Variants in COL4A5 observed in about 807,000 individuals in gnomAD.
The protein encoded by COL4A5 is collagen alpha-5(IV) chain.
COL4A5 carries 26 observed loss-of-function variants against 130.2 expected under a neutral mutation model. The observed-to-expected ratio is 0.20, with a 90% CI of 0.15 to 0.28. COL4A5 has a LOEUF of 0.28. COL4A5 is among the 10% of genes least tolerant of loss of function. The pLI is 1.00. For synonymous variants in COL4A5, 496 were observed against 439.6 expected, an observed-to-expected ratio of 1.13 and a Z score of -1.60; for missense variants, 1,131 against 1,344.3, an observed-to-expected ratio of 0.84 and a Z score of 2.48.
intron 2 of COL4A5, among the ~76,000 whole-genome samples, chrX:108,545,602 G>A (rs1377535576): frequency 1.8e-5 from 2 of 111,690 alleles, no homozygotes; most frequent in Non-Finnish European, 3.8e-5. Context: ...GGGGTGGAGA[G>A]TTCTGTAGAT....
At chrX:108,554,094 A>G (rs1051606467) in intron 2 of COL4A5, among the ~76,000 whole-genome samples, 3 of 111,694 alleles carry the variant, frequency 2.7e-5, no homozygotes, top group Admixed American at 9.5e-5. Flanking sequence ...GGATATAGGC[A>G]TAAGGAAGAT....
At chrX:108,618,295 C>A (rs1198198656) in intron 30 of COL4A5, among the ~76,000 whole-genome samples, 5 of 111,294 alleles carry the variant, frequency 4.5e-5, no homozygotes, top group East Asian at 5.6e-4. Context: ...ATTACTACTA[C>A]TAATAATAAC....
intron 2 of COL4A5, among the ~76,000 whole-genome samples, chrX:108,549,890 T>A (rs1172420973): frequency 8.9e-6 from 1 of 111,787 alleles, no homozygotes; most frequent in Non-Finnish European, 1.9e-5. Context: ...TAAATCACTT[T>A]GTAACAATAA....
intron 40 of COL4A5, among the ~76,000 whole-genome samples, chrX:108,667,984 G>A (rs1293920813): frequency 9.0e-6 from 1 of 111,394 alleles, no homozygotes; most frequent in East Asian, 2.8e-4. Context: ...ATTTCCTCCA[G>A]CCATCTTGAA....
At chrX:108,677,737 G>T in intron 44 of COL4A5, 104 bp downstream of exon 44, 6 of 987,851 alleles carry the variant, frequency 6.1e-6, no homozygotes, top group Non-Finnish European at 8.5e-6. Flanking sequence ...ACTAGACAAG[G>T]TTCTATGTGT....
At chrX:108,684,945 C>A (rs1399095992) in intron 47 of COL4A5, among the ~76,000 whole-genome samples, 1 of 112,311 alleles carries the variant, frequency 8.9e-6, no homozygotes, top group Non-Finnish European at 1.9e-5. Flanking sequence ...AAAGCTGGTT[C>A]AACATACACA....
At chrX:108,540,420 A>G (rs182522534) in intron 2 of COL4A5, among the ~76,000 whole-genome samples, 96 of 111,886 alleles carry the variant, frequency 8.6e-4, no homozygotes, top group African/African-American at 2.7e-3. Context: ...TATCTAGTCT[A>G]TGCAGTTTAA....
intron 36 of COL4A5, among the ~76,000 whole-genome samples, 157 bp from the exon 37 acceptor site, chrX:108,655,174 A>G (rs1295118920): frequency 8.9e-6 from 1 of 112,235 alleles, no homozygotes; most frequent in East Asian, 2.8e-4. Flanking sequence ...ATGAAGCCTA[A>G]CTCACAGAAC....
chrX:108,655,024 T>G (rs1314184273), intron 36 of COL4A5, among the ~76,000 whole-genome samples: 1 of 111,751 alleles, frequency 8.9e-6, no homozygotes, highest in African/African-American at 3.3e-5. Flanking sequence ...ATCTACATAC[T>G]GTGAGAATAG....
Position 108,571,447 on chromosome X carries a change from C to T in COL4A5, c.419C>T (p.Pro140Leu). 8.3e-7 allele frequency: 1 copy of T among 1,203,448 alleles called. No individual in the cohort carries two copies. Among genetic ancestry groups the T allele is most frequent in the Non-Finnish European group, 1.1e-6 (1 of 888,678 alleles). ...GGATTTCCAGGCAGTCCCGGTTTTC[C>T]TGGTTTACAGGGTCCTCCAGTAAGT... Reference protein sequence around the residue: ...ERGFPGSPGFPGLQGPPGPPG... With the variant: ...ERGFPGSPGFLGLQGPPGPPG... Residue 140 changes from proline to leucine, a missense_variant, in exon 7 of 53, where the codon CCT becomes CTT. Coordinates refer to ENST00000328300, the MANE Select transcript of COL4A5 (RefSeq NM_033380.3).
At chrX:108,669,397 A>G (rs1337132890) in intron 41 of COL4A5, among the ~76,000 whole-genome samples, 2 of 112,507 alleles carry the variant, frequency 1.8e-5, no homozygotes, top group East Asian at 2.8e-4. Context: ...AGTAAAATCT[A>G]AAGTGATTGG....
At position 108,678,311 on chromosome X, in the gene COL4A5, T is replaced by A. The variant is rs189673413; in HGVS notation, c.3942+678T>A. Among the ~76,000 whole-genome samples, 206 of 111,471 alleles carry A rather than the reference T, an allele frequency of 1.8e-3. 1 individual carries two copies. The highest frequency in any genetic ancestry group is 3.0e-3 in the Non-Finnish European group (160 of 53,090). On this transcript the variant is annotated intron_variant, in intron 44 of 52. Coordinates refer to ENST00000328300, the MANE Select transcript of COL4A5 (RefSeq NM_033380.3). ...AGAAAAAAAGTATTTAAAGTAGTGA[T>A]CCTTAAAGCTTTTCAAAATCTAATC...
At chrX:108,556,612 C>T (rs1245180883) in intron 2 of COL4A5, among the ~76,000 whole-genome samples, 1 of 111,024 alleles carries the variant, frequency 9.0e-6, no homozygotes, top group African/African-American at 3.3e-5. Context: ...TAGCCATTTT[C>T]TGTTTGTGAG....
intron 1 of COL4A5, among the ~76,000 whole-genome samples, chrX:108,473,628 T>TAC (rs2064801155): frequency 2.3e-5 from 1 of 44,267 alleles, no homozygotes; most frequent in African/African-American, 8.4e-5. Flanking sequence ...TATATATATA[T>TAC]ATATATTTTT....
chrX:108,681,007 G>T (rs1309647218), intron 46 of COL4A5, 51 bp downstream of exon 46: 4 of 1,075,361 alleles, frequency 3.7e-6, no homozygotes, highest in African/African-American at 1.8e-5. Flanking sequence ...ATGCTTTAAA[G>T]AATTTGAAAG....
intron 1 of COL4A5, among the ~76,000 whole-genome samples, chrX:108,468,696 C>G (rs1307863027): frequency 3.7e-5 from 4 of 109,240 alleles, no homozygotes; most frequent in African/African-American, 1.3e-4. Context: ...ACATTGCATT[C>G]CTGGGATAAT....
intron 47 of COL4A5, among the ~76,000 whole-genome samples, chrX:108,682,723 A>C (rs1451298550): frequency 9.0e-6 from 1 of 111,339 alleles, no homozygotes; most frequent in Non-Finnish European, 1.9e-5. Context: ...TCCTTTGCCC[A>C]CTTTTTGATG....
intron 2 of COL4A5, among the ~76,000 whole-genome samples, chrX:108,550,105 G>T (rs2065727824): frequency 9.0e-6 from 1 of 111,626 alleles, no homozygotes; most frequent in Non-Finnish European, 1.9e-5. Flanking sequence ...ATTTTTGCAA[G>T]TGACAGTGTC....
intron 27 of COL4A5, 72 bp from the exon 28 acceptor site, chrX:108,602,892 G>C: frequency 1.4e-6 from 1 of 739,105 alleles, no homozygotes; most frequent in Non-Finnish European, 2.1e-6. Context: ...TAGAATGTGG[G>C]TTTGGGAATT....
Sources: allele counts gnomAD v4.1 joint callset (sites outside exome capture counted in the v4.1 genomes callset), GRCh38; gene constraint gnomAD v4.1.1; transcripts MANE v1.5; gene names NCBI Gene and HGNC (gene_info 2026-07-23, HGNC 2026-07-21).